Variants in TRIM5 observed in about 807,000 individuals in gnomAD.
The protein encoded by TRIM5 is tripartite motif-containing protein 5.
A neutral mutation model predicts 35.6 loss-of-function variants in TRIM5; 31 were observed. The ratio of observed to expected loss-of-function variants is 0.87; its 90% CI spans 0.65 to 1.18. The LOEUF (loss-of-function observed/expected upper bound fraction) is 1.18, where lower values mean the gene tolerates loss of function less well. TRIM5 is among the 50% of genes most tolerant of loss of function. The pLI is 0.00. For missense variants in TRIM5, 609 were observed against 591.6 expected (o/e 1.03, Z -0.31); for synonymous variants, 243 against 215.6 (o/e 1.13, Z -1.11).
rs533415419 is a variant in TRIM5, at chr11:5,665,001, A to C, written c.1290T>G (p.Ser430=). Residue 430 remains serine (S), a synonymous_variant, in exon 8 of 8, where the codon TCT becomes TCG. Coordinates refer to ENST00000380034, the MANE Select transcript of TRIM5 (RefSeq NM_033034.3). The stretch of plus-strand genomic sequence containing the variant: ...CAACACGATCAGGACAAATAATCAC[A>C]GAGAGGGGCACAATGAAAGGAACAG... ...TPSVPFIVPL[S]VIICPDRVGV... The C allele has an allele frequency of 6.8e-6, 11 of 1,614,206 alleles. No individual in the cohort carries two copies. The highest frequency in any genetic ancestry group is 9.3e-6 in the Non-Finnish European group (11 of 1,180,038).
intron 1 of TRIM5, among the ~76,000 whole-genome samples, chr11:5,681,144 T>C (rs1485972893): frequency 6.6e-6 from 1 of 152,156 alleles, no homozygotes; most frequent in Non-Finnish European, 1.5e-5. Flanking sequence ...ACATGTTGGA[T>C]ACTTGAAAAC....
the TRIM5 span, among the ~76,000 whole-genome samples, chr11:5,594,077 T>A: frequency 6.6e-6 from 1 of 152,350 alleles, no homozygotes; most frequent in African/African-American, 2.4e-5. Flanking sequence ...TGTTTTCATT[T>A]CTTTTGAGTA....
intron 5 of TRIM5, among the ~76,000 whole-genome samples, chr11:5,666,806 A>G (rs533095314): frequency 1.3e-5 from 2 of 152,376 alleles, no homozygotes; most frequent in East Asian, 1.9e-4. Context: ...AAAGAATGCA[A>G]CTGAGGTGGA....
At chr11:5,609,181 A>T in the TRIM5 span, among the ~76,000 whole-genome samples, 1 of 152,084 alleles carries the variant, frequency 6.6e-6, no homozygotes, top group Non-Finnish European at 1.5e-5. Flanking sequence ...TGACATGTCA[A>T]GCTGCTTGCA....
the TRIM5 span, chr11:5,634,608 C>T: frequency 1.1e-4 from 173 of 1,600,266 alleles, no homozygotes; most frequent in Non-Finnish European, 1.4e-4. Flanking sequence ...CTTACTACAA[C>T]TCTCTCTTGT....
chr11:5,597,539 T>TA, the TRIM5 span, among the ~76,000 whole-genome samples: 31 of 151,452 alleles, frequency 2.0e-4, no homozygotes, highest in South Asian at 6.3e-4. Context: ...TACACAAAGA[T>TA]AAAAAAAAAT....
At chr11:5,592,841 C>T in the TRIM5 span, among the ~76,000 whole-genome samples, 10 of 145,258 alleles carry the variant, frequency 6.9e-5, no homozygotes, top group African/African-American at 1.8e-4. Context: ...CACTTGAGCC[C>T]GAGAGTTTGT....
chr11:5,598,124 G>A, the TRIM5 span, among the ~76,000 whole-genome samples: 10 of 152,038 alleles, frequency 6.6e-5, no homozygotes, highest in Non-Finnish European at 8.8e-5. Context: ...GGCTCTTCTC[G>A]TCTGCACTCC....
At chr11:5,620,371 G>C in the TRIM5 span, among the ~76,000 whole-genome samples, 2 of 151,250 alleles carry the variant, frequency 1.3e-5, no homozygotes, top group Non-Finnish European at 2.9e-5. Context: ...TAGAGACGGG[G>C]TTTCACCATG....
chr11:5,591,719 T>G, the TRIM5 span, among the ~76,000 whole-genome samples: 1 of 151,960 alleles, frequency 6.6e-6, no homozygotes, highest in African/African-American at 2.4e-5. Flanking sequence ...GGAGACATGA[T>G]CTGATTGGAT....
At chr11:5,678,704 C>A (rs1852188214) in intron 3 of TRIM5, among the ~76,000 whole-genome samples, 1 of 152,156 alleles carries the variant, frequency 6.6e-6, no homozygotes, top group Admixed American at 6.5e-5. Context: ...GACACTCATG[C>A]CTGCCTGTAT....
At chr11:5,618,579 CA>C in the TRIM5 span, among the ~76,000 whole-genome samples, 1 of 152,106 alleles carries the variant, frequency 6.6e-6, no homozygotes, top group Admixed American at 6.5e-5. Flanking sequence ...ATTTCATATG[CA>C]AATTTTAACA....
At chr11:5,590,413 T>C in the TRIM5 span, 1 of 152,578 alleles carries the variant, frequency 6.6e-6, no homozygotes, top group South Asian at 2.1e-4. Flanking sequence ...CGGCACTCTG[T>C]ATCTAGCTCA....
At chr11:5,667,906 T>G (rs1361508035) in intron 4 of TRIM5, among the ~76,000 whole-genome samples, 195 bp from the exon 5 acceptor site, 1 of 152,142 alleles carries the variant, frequency 6.6e-6, no homozygotes, top group East Asian at 1.9e-4. Context: ...CCCTTAAAAG[T>G]AGAAATAGCT....
chr11:5,599,466 C>T, the TRIM5 span, among the ~76,000 whole-genome samples: 8 of 152,134 alleles, frequency 5.3e-5, no homozygotes, highest in South Asian at 1.0e-3. Flanking sequence ...TGCAGTGGCA[C>T]GATCTCGACT....
chr11:5,669,410 T>G (rs908522241), intron 4 of TRIM5, among the ~76,000 whole-genome samples: 1 of 152,216 alleles, frequency 6.6e-6, no homozygotes. Flanking sequence ...TTAGGTAATC[T>G]ACTCCTCTTT....
At chr11:5,650,941 G>A in the TRIM5 span, among the ~76,000 whole-genome samples, 1 of 152,170 alleles carries the variant, frequency 6.6e-6, no homozygotes, top group Non-Finnish European at 1.5e-5. Context: ...CATTGTATTG[G>A]CTTGATCATA....
chr11:5,615,922 CAT>C, the TRIM5 span, among the ~76,000 whole-genome samples: 1 of 141,112 alleles, frequency 7.1e-6, no homozygotes, highest in African/African-American at 2.6e-5. Context: ...GTTTTCATAA[CAT>C]ATCTTTTCAT....
the TRIM5 span, among the ~76,000 whole-genome samples, chr11:5,653,726 C>T: frequency 1.3e-5 from 2 of 151,626 alleles, no homozygotes; most frequent in Non-Finnish European, 2.9e-5. Context: ...CTCCTGACAT[C>T]GTGATCCACC....
Sources: gnomAD v4.1 joint callset for allele counts (sites outside exome capture counted in the v4.1 genomes callset) on GRCh38, gnomAD v4.1.1 for gene constraint, MANE v1.5 for transcripts, NCBI Gene and HGNC (gene_info 2026-07-23, HGNC 2026-07-21) for gene names.